CLIC5: variants seen among roughly 807,000 people sequenced by gnomAD.
The protein encoded by CLIC5 is chloride intracellular channel protein 5.
Under a neutral mutation model 24.7 loss-of-function variants are expected in CLIC5, and 20 were observed. The observed-to-expected ratio is 0.81, with a 90% confidence interval of 0.57 to 1.18. The LOEUF (loss-of-function observed/expected upper bound fraction) is 1.18. CLIC5 is among the 50% of genes most tolerant of loss of function. The pLI is 0.00. For missense variants in CLIC5, 341 were observed against 326.1 expected (o/e 1.05, Z -0.35); for synonymous variants, 159 against 135.6 (o/e 1.17, Z -1.20).
intron 1 of CLIC5, among the ~76,000 whole-genome samples, chr6:46,058,723 T>C (rs1403638903): frequency 2.6e-5 from 4 of 152,088 alleles, no homozygotes; most frequent in African/African-American, 9.7e-5. Context: ...CAAACCTACC[T>C]GGTATGGCTT....
intron 5 of CLIC5, among the ~76,000 whole-genome samples, chr6:45,907,101 A>G (rs1189045642): frequency 2.6e-5 from 4 of 152,178 alleles, no homozygotes; most frequent in African/African-American, 7.2e-5. Flanking sequence ...GTCTTGTTGC[A>G]GTTTTCAAGG....
chr6:46,099,264 G>A, the CLIC5 span, among the ~76,000 whole-genome samples: 3 of 152,236 alleles, frequency 2.0e-5, no homozygotes, highest in African/African-American at 7.2e-5. Context: ...CCTGCAGGAA[G>A]TGAAAAGGGC....
At chr6:46,041,260 T>C (rs781156415) in intron 1 of CLIC5, among the ~76,000 whole-genome samples, 27 of 152,220 alleles carry the variant, frequency 1.8e-4, no homozygotes, top group Non-Finnish European at 3.4e-4. Context: ...AATTAAGCTT[T>C]TTCTTTATAT....
At chr6:46,093,670 T>G in the CLIC5 span, among the ~76,000 whole-genome samples, 5 of 152,228 alleles carry the variant, frequency 3.3e-5, no homozygotes, top group Non-Finnish European at 7.3e-5. Flanking sequence ...TATAAACTGT[T>G]GGTAGGAATG....
At chr6:45,974,495 G>GTATATATATATATATA (rs1456137513) in intron 1 of CLIC5, among the ~76,000 whole-genome samples, 6 of 76,524 alleles carry the variant, frequency 7.8e-5, no homozygotes, top group African/African-American at 2.9e-4. Flanking sequence ...GTGTGTGTGT[G>GTATATATATATATATA]TGTATATATA....
intron 1 of CLIC5, among the ~76,000 whole-genome samples, chr6:45,967,819 C>A (rs1021926065): frequency 3.3e-5 from 5 of 152,038 alleles, no homozygotes; most frequent in Non-Finnish European, 7.3e-5. Flanking sequence ...AACCAGGATC[C>A]TTTAAACCAC....
At chr6:46,069,821 C>T (rs953179055) in intron 1 of CLIC5, among the ~76,000 whole-genome samples, 3 of 152,122 alleles carry the variant, frequency 2.0e-5, no homozygotes, top group African/African-American at 7.2e-5. Context: ...CAAAAATCTT[C>T]CACAAAATAC....
In CLIC5 at chr6:46,073,126, C is replaced by A. The variant is rs139957315; in HGVS notation, c.540+6577G>T. On this transcript the variant is annotated intron_variant, in intron 1 of 5. Coordinates refer to the CLIC5 transcript ENST00000185206. ...GAGTCTTTGATTAATGGCATTGATT[C>A]ACAAAGCAAACCAGTTCATATGGGC... Among the ~76,000 whole-genome samples, 1,013 of 152,232 alleles carry A rather than the reference C, an allele frequency of 6.7e-3. 4 individuals carry two copies. The highest frequency in any genetic ancestry group is 0.011 in the Admixed American group (161 of 15,268).
chr6:45,980,174 T>C (rs1193992525), intron 1 of CLIC5, among the ~76,000 whole-genome samples: 1 of 152,156 alleles, frequency 6.6e-6, no homozygotes, highest in East Asian at 1.9e-4. Context: ...CTCCATTGCT[T>C]GTTATTGTCA....
chr6:46,070,698 T>G (rs1335609937), intron 1 of CLIC5, among the ~76,000 whole-genome samples: 3 of 151,970 alleles, frequency 2.0e-5, no homozygotes. Flanking sequence ...CCAGTGACAT[T>G]CTACACAGAA....
the CLIC5 span, among the ~76,000 whole-genome samples, chr6:46,107,617 C>A: frequency 6.6e-6 from 1 of 151,906 alleles, no homozygotes; most frequent in Non-Finnish European, 1.5e-5. Context: ...GAAGTATTTT[C>A]GGTTTAAAAA....
At chr6:45,996,140 A>T (rs967333392) in intron 1 of CLIC5, among the ~76,000 whole-genome samples, 7 of 151,930 alleles carry the variant, frequency 4.6e-5, no homozygotes, top group African/African-American at 1.7e-4. Flanking sequence ...AAAAAAATAG[A>T]AATGAAAGAA....
At chr6:45,937,375 A>G (rs931993096) in intron 4 of CLIC5, 2 of 152,262 alleles carry the variant, frequency 1.3e-5, no homozygotes, top group African/African-American at 2.4e-5. Context: ...ATGAACCTGC[A>G]TTACAAACCT....
At chr6:46,068,288 A>C (rs921353406) in intron 1 of CLIC5, among the ~76,000 whole-genome samples, 1 of 152,118 alleles carries the variant, frequency 6.6e-6, no homozygotes, top group Non-Finnish European at 1.5e-5. Context: ...TTAAAACACC[A>C]TGTTTTCAGT....
chr6:46,061,747 C>A (rs1230952981), intron 1 of CLIC5, among the ~76,000 whole-genome samples: 1 of 152,166 alleles, frequency 6.6e-6, no homozygotes, highest in African/African-American at 2.4e-5. Context: ...CATTTCAAAC[C>A]AATAGATTCA....
chr6:45,949,486 C>A (rs983772216), intron 2 of CLIC5, 105 bp from the exon 3 acceptor site: 6 of 1,270,326 alleles, frequency 4.7e-6, no homozygotes, highest in Non-Finnish European at 6.6e-6. Context: ...ATCCAACATG[C>A]CTGTCAGGTG....
chr6:46,083,449 T>C (rs946975435), upstream of CLIC5, among the ~76,000 whole-genome samples: 2 of 152,240 alleles, frequency 1.3e-5, no homozygotes, highest in African/African-American at 4.8e-5. Context: ...GCTTTGAATG[T>C]GTCCCAGAGA....
intron 1 of CLIC5, among the ~76,000 whole-genome samples, chr6:45,972,298 C>T (rs969605303): frequency 1.3e-5 from 2 of 152,152 alleles, no homozygotes; most frequent in African/African-American, 4.8e-5. Flanking sequence ...AACAGCTGCC[C>T]ACCTACTTCA....
chr6:46,068,097 G>A (rs1762494215), intron 1 of CLIC5, among the ~76,000 whole-genome samples: 1 of 152,228 alleles, frequency 6.6e-6, no homozygotes, highest in African/African-American at 2.4e-5. Flanking sequence ...AAGGCCATGT[G>A]ATGAAGGAGG....
Sources: gnomAD v4.1 joint callset for allele counts (sites outside exome capture counted in the v4.1 genomes callset) on GRCh38, gnomAD v4.1.1 for gene constraint, MANE v1.5 for transcripts, NCBI Gene and HGNC (gene_info 2026-07-23, HGNC 2026-07-21) for gene names.